Variants in CAB39 observed in about 807,000 individuals in gnomAD.
CAB39 encodes calcium-binding protein 39.
CAB39 carries 8 observed loss-of-function variants against 40.0 expected under a neutral mutation model. The ratio of observed to expected loss-of-function variants is 0.20; its 90% CI spans 0.12 to 0.36. CAB39 has a LOEUF of 0.36. Ranked by LOEUF, CAB39 falls within the 10% of genes least tolerant of loss-of-function variation. CAB39 has a pLI of 1.00. For synonymous variants in CAB39, 156 were observed against 141.6 expected (o/e 1.10, Z -0.72); for missense variants, 270 against 401.1 (o/e 0.67, Z 2.79).
At chr2:230,742,417 C>T (rs967708574) in intron 1 of CAB39, among the ~76,000 whole-genome samples, 3 of 152,248 alleles carry the variant, frequency 2.0e-5, no homozygotes, top group East Asian at 3.9e-4. Flanking sequence ...CCTCGTGATT[C>T]GCCCGCCTCG....
chr2:230,795,373 CTT>C (rs1695966490), intron 4 of CAB39, among the ~76,000 whole-genome samples: 1 of 151,808 alleles, frequency 6.6e-6, no homozygotes. Flanking sequence ...TATGCCATCT[CTT>C]TGTTGAAGCC....
intron 2 of CAB39, among the ~76,000 whole-genome samples, chr2:230,773,312 A>ATGTGTGTGTGTGTGTGTG (rs1321034177): frequency 7.9e-4 from 67 of 85,124 alleles, no homozygotes; most frequent in Middle Eastern, 6.0e-3. Flanking sequence ...ATATATATAT[A>ATGTGTGTGTGTGTGTGTG]TATGTGTGTG....
rs1559588742 is a variant in CAB39, at chr2:230,725,111, A to C, written c.-44+11881A>C. The C allele has an allele frequency of 1.9e-6, 3 of 1,611,016 alleles. No individual in the cohort carries two copies. In the African/African-American group the frequency reaches 4.0e-5, roughly 22 times the overall value. ...CCTACTCGGCTGCAAACTCTGGTTGAGGGCTGGGGATTGAGAGCTTCCCAG... is the reference window on the plus strand; with the variant it reads ...CCTACTCGGCTGCAAACTCTGGTTGCGGGCTGGGGATTGAGAGCTTCCCAG... On this transcript the variant is annotated intron_variant, in intron 1 of 8. Transcript: ENST00000258418.
chr2:230,717,153 C>G (rs904242425), intron 1 of CAB39, among the ~76,000 whole-genome samples: 1 of 152,062 alleles, frequency 6.6e-6, no homozygotes. Flanking sequence ...AACAGAAAAA[C>G]TGGTAAACAT....
intron 5 of CAB39, among the ~76,000 whole-genome samples, chr2:230,809,718 A>G (rs575989314): frequency 6.6e-6 from 1 of 152,368 alleles, no homozygotes; most frequent in Non-Finnish European, 1.5e-5. Flanking sequence ...ACGTTATCGT[A>G]CCAACATTCT....
At chr2:230,777,881 T>G (rs1180763785) in intron 2 of CAB39, among the ~76,000 whole-genome samples, 1 of 152,204 alleles carries the variant, frequency 6.6e-6, no homozygotes, top group African/African-American at 2.4e-5. Flanking sequence ...GAAAGTATAA[T>G]TCACAGGAAG....
chr2:230,759,858 G>A, intron 1 of CAB39, 101 bp from the exon 2 acceptor site: 1 of 507,084 alleles, frequency 2.0e-6, no homozygotes, highest in East Asian at 3.0e-5. Flanking sequence ...TATGTAAAAT[G>A]ACTTGCCTAA....
chr2:230,781,764 G>C (rs763248370), intron 2 of CAB39, among the ~76,000 whole-genome samples: 2 of 152,230 alleles, frequency 1.3e-5, no homozygotes, highest in Non-Finnish European at 2.9e-5. Flanking sequence ...CACAATGCCT[G>C]CAGGCCAGAG....
At chr2:230,776,706 C>G (rs945944597) in intron 2 of CAB39, among the ~76,000 whole-genome samples, 2 of 151,800 alleles carry the variant, frequency 1.3e-5, no homozygotes, top group East Asian at 1.9e-4. Context: ...TTCTTCCCCC[C>G]CCGAGATGGA....
chr2:230,761,834 C>T (rs1258857580), intron 2 of CAB39, among the ~76,000 whole-genome samples: 1 of 152,094 alleles, frequency 6.6e-6, no homozygotes, highest in Non-Finnish European at 1.5e-5. Context: ...AATATAGATT[C>T]TAAGAGAACT....
At chr2:230,737,436 C>T (rs908495475) in intron 1 of CAB39, among the ~76,000 whole-genome samples, 1 of 152,152 alleles carries the variant, frequency 6.6e-6, no homozygotes, top group African/African-American at 2.4e-5. Context: ...ACTTCCTTTT[C>T]AAGCCACTAT....
At chr2:230,737,574 C>T (rs938690036) in intron 1 of CAB39, among the ~76,000 whole-genome samples, 1 of 152,172 alleles carries the variant, frequency 6.6e-6, no homozygotes, top group Non-Finnish European at 1.5e-5. Flanking sequence ...TTACAGAGCG[C>T]TGTCACGAAT....
chr2:230,744,599 A>G (rs912062520), intron 1 of CAB39, among the ~76,000 whole-genome samples: 1 of 152,212 alleles, frequency 6.6e-6, no homozygotes, highest in Non-Finnish European at 1.5e-5. Flanking sequence ...GCCTCCAACC[A>G]TATTTTGAAG....
intron 1 of CAB39, among the ~76,000 whole-genome samples, chr2:230,756,658 TTTGTTTATTTATTTA>T (rs1213839664): frequency 2.1e-3 from 202 of 94,002 alleles, no homozygotes; most frequent in African/African-American, 0.011. Context: ...TTTCTAACTG[TTTGTTTATTTATTTA>T]TTTATTTATT....
intron 1 of CAB39, among the ~76,000 whole-genome samples, chr2:230,734,738 AC>A (rs1175227180): frequency 6.6e-6 from 1 of 152,152 alleles, no homozygotes; most frequent in African/African-American, 2.4e-5. Context: ...GCTTTTGGCC[AC>A]AGGTATCATG....
intron 1 of CAB39, among the ~76,000 whole-genome samples, chr2:230,728,591 C>G (rs1415743341): frequency 6.6e-6 from 1 of 152,136 alleles, no homozygotes; most frequent in Non-Finnish European, 1.5e-5. Context: ...CATGAGCCGT[C>G]GCACCCTGCC....
At position 230,798,846 on chromosome 2, in the gene CAB39, T is replaced by C. The variant is rs1441683158; in HGVS notation, c.516T>C (p.Tyr172=). The change falls in exon 5 of 9, where the codon TAT becomes TAC. Residue 172 remains tyrosine (Y), a synonymous_variant. Coordinates refer to ENST00000258418, the MANE Select transcript of CAB39 (RefSeq NM_016289.4). ...AACAGTTTTATGATTTCTTCAGATATGTCGAAATGTCAACATTTGACATAG... is the reference window on the plus strand; with the variant it reads ...AACAGTTTTATGATTTCTTCAGATACGTCGAAATGTCAACATTTGACATAG... The part of the protein sequence containing the change: ...WSEQFYDFFR[Y]VEMSTFDIAS... The C allele has an allele frequency of 1.2e-6, 2 of 1,608,526 alleles. No individual in the cohort carries two copies. The highest frequency in any genetic ancestry group is 2.2e-5 in the East Asian group (1 of 44,674).
chr2:230,724,790 A>C (rs556378743), intron 1 of CAB39, among the ~76,000 whole-genome samples: 2 of 122,656 alleles, frequency 1.6e-5, no homozygotes, highest in South Asian at 2.8e-4. Flanking sequence ...GACTTTATTG[A>C]TCTAAAAAAC....
At position 230,793,200 on chromosome 2, in the gene CAB39, G is replaced by A. The variant is rs775149036; in HGVS notation, c.280-13G>A. On this transcript the variant is annotated splice_polypyrimidine_tract_variant and intron_variant, in intron 3 of 8. Coordinates refer to ENST00000258418, the MANE Select transcript of CAB39 (RefSeq NM_016289.4). ...TGGTCAGGAAAATGTGTTAATGATT[G>A]TATTCCTAATAGGGCAAAAAAGACG... 5 of 1,479,990 alleles carry A rather than the reference G, an allele frequency of 3.4e-6. No individual in the cohort carries two copies. The highest frequency in any genetic ancestry group is 4.7e-6 in the Non-Finnish European group (5 of 1,061,392). 91.7% of individuals were successfully genotyped at this position (1,479,990 alleles called of 1,614,324 possible). A position where few individuals can be genotyped will look rare whatever the true frequency, so the allele number is the denominator to read the frequency against.
Sources: allele counts gnomAD v4.1 joint callset (sites outside exome capture counted in the v4.1 genomes callset), GRCh38; gene constraint gnomAD v4.1.1; transcripts MANE v1.5; gene names NCBI Gene and HGNC (gene_info 2026-07-23, HGNC 2026-07-21).